PAK3: variants seen among roughly 807,000 people sequenced by gnomAD.
PAK3 encodes the protein p21 (RAC1) activated kinase 3.
PAK3 carries 4 observed loss-of-function variants against 41.0 expected under a neutral mutation model. That is an observed-to-expected ratio of 0.10 (90% CI 0.05 to 0.22). The LOEUF (loss-of-function observed/expected upper bound fraction) is 0.22. PAK3 is among the 10% of genes least tolerant of loss of function. The probability of loss-of-function intolerance (pLI) is 1.00; values close to 1 mark genes in which losing one functional copy is unlikely to be tolerated. For missense variants in PAK3, 205 were observed against 409.9 expected, an observed-to-expected ratio of 0.50 and a Z score of 4.32; for synonymous variants, 146 against 139.6, an observed-to-expected ratio of 1.05 and a Z score of -0.32.
At chrX:110,953,136 T>A (rs2090779969) in intron 1 of PAK3, among the ~76,000 whole-genome samples, 1 of 112,116 alleles carries the variant, frequency 8.9e-6, no homozygotes, top group Non-Finnish European at 1.9e-5. Flanking sequence ...AAGGTAACAT[T>A]GTTTTTTTAA....
chrX:110,958,009 T>C (rs2090902361), intron 1 of PAK3, among the ~76,000 whole-genome samples: 1 of 111,699 alleles, frequency 9.0e-6, no homozygotes, highest in Non-Finnish European at 1.9e-5. Flanking sequence ...GGAGAGACAA[T>C]AGCAGGGGAG....
chrX:111,134,900 T>G (rs995498296), intron 5 of PAK3, among the ~76,000 whole-genome samples: 1 of 110,475 alleles, frequency 9.1e-6, no homozygotes, highest in African/African-American at 3.3e-5. Context: ...GCTCTGAGAG[T>G]GGGAGAGGGG....
intron 11 of PAK3, among the ~76,000 whole-genome samples, chrX:111,187,953 A>G (rs1274019907): frequency 9.1e-5 from 1 of 10,938 alleles, no homozygotes; most frequent in Non-Finnish European, 1.5e-4. Flanking sequence ...GGAAATGCAT[A>G]TATATATATA....
intron 1 of PAK3, among the ~76,000 whole-genome samples, chrX:110,955,488 G>C (rs2090836745): frequency 9.0e-6 from 1 of 111,271 alleles, no homozygotes; most frequent in Admixed American, 9.5e-5. Flanking sequence ...CCAAAGATGA[G>C]CCAGGCATGG....
intron 1 of PAK3, among the ~76,000 whole-genome samples, chrX:110,971,068 C>A (rs1312645766): frequency 8.9e-6 from 1 of 112,166 alleles, no homozygotes. Flanking sequence ...TTAGGTTTAG[C>A]TTTAGTTTTT....
intron 1 of PAK3, among the ~76,000 whole-genome samples, chrX:111,078,867 A>C (rs971825153): frequency 1.7e-4 from 19 of 112,103 alleles, no homozygotes; most frequent in Non-Finnish European, 3.4e-4. Flanking sequence ...GAGAAAACAA[A>C]ACAGACTTAT....
chrX:111,163,781 A>G (rs1447016016), intron 10 of PAK3, 54 bp downstream of exon 10: 3 of 955,026 alleles, frequency 3.1e-6, no homozygotes, highest in Non-Finnish European at 4.5e-6. Flanking sequence ...CTCATAAGCC[A>G]TTTAAAATGG....
At chrX:111,132,366 G>T (rs1024393206) in intron 5 of PAK3, among the ~76,000 whole-genome samples, 2 of 111,345 alleles carry the variant, frequency 1.8e-5, no homozygotes, top group Non-Finnish European at 3.8e-5. Context: ...CACTGTTTCT[G>T]CCAGAAGTGG....
intron 1 of PAK3, among the ~76,000 whole-genome samples, chrX:110,999,320 C>G (rs2091803861): frequency 8.9e-6 from 1 of 111,854 alleles, no homozygotes; most frequent in African/African-American, 3.2e-5. Flanking sequence ...TGGCACCCGG[C>G]TCATCTCAGT....
At chrX:111,146,580 CA>C in intron 6 of PAK3, 1 of 1,059,494 alleles carries the variant, frequency 9.4e-7, no homozygotes, top group Non-Finnish European at 1.3e-6. Flanking sequence ...GTCACAGGCC[CA>C]AAAGAAGCTT....
In PAK3 at chrX:111,086,105, G is replaced by A. The variant is rs752828823; in HGVS notation, c.-27-36972G>A. Among the ~76,000 whole-genome samples the A allele has an allele frequency of 2.6e-3, 273 of 103,570 alleles. 2 individuals are homozygous for A. The highest frequency in any genetic ancestry group is 9.3e-3 in the African/African-American group (261 of 27,985). The allele number at this position is 103,570 out of a possible 115,157, so 89.9% of individuals were successfully genotyped here. A position where few individuals can be genotyped will look rare whatever the true frequency, so the allele number is the denominator to read the frequency against. On this transcript the variant is annotated intron_variant, in intron 1 of 14. Transcript: ENST00000425146. ...TGTGTGTGTGTGCATGTGCACATGT[G>A]TGCACTGGGCAGGGGGGCGGTGGGG...
chrX:110,949,530 T>C (rs1274876336), intron 1 of PAK3, among the ~76,000 whole-genome samples: 1 of 111,343 alleles, frequency 9.0e-6, no homozygotes, highest in Non-Finnish European at 1.9e-5. Flanking sequence ...TTCAAAGCAT[T>C]GTAGGTCGAG....
chrX:111,142,705 G>T (rs931905390), intron 6 of PAK3, among the ~76,000 whole-genome samples: 7 of 111,217 alleles, frequency 6.3e-5, no homozygotes, highest in African/African-American at 2.3e-4. Context: ...GGTATATTTT[G>T]TAGATTTTCA....
rs748702597 is a variant in PAK3 at position 111,164,128 on chromosome X, T to A, written c.766+401T>A. ...AATCAAAACTTGGAACAACAAATAA[T>A]ATAGCTTTTTCCCTTAATTCAGAAG... On this transcript the variant is annotated intron_variant, in intron 10 of 17. Transcript: ENST00000372007. Among the ~76,000 whole-genome samples the A allele has an allele frequency of 4.5e-5, 5 of 111,096 alleles. No individual in the cohort carries two copies. In the East Asian group the frequency reaches 1.1e-3, roughly 25 times the overall value.
chrX:111,118,291 T>C (rs951780145), intron 4 of PAK3, among the ~76,000 whole-genome samples: 1 of 111,286 alleles, frequency 9.0e-6, no homozygotes, highest in Non-Finnish European at 1.9e-5. Context: ...AGTATCAGCA[T>C]AGGCTAGTTA....
chrX:111,216,290 TGTGTCATTCTCTAAA>T (rs1184945018), intron 16 of PAK3, 116 bp from the exon 17 acceptor site: 1 of 506,762 alleles, frequency 2.0e-6, no homozygotes, highest in Non-Finnish European at 3.5e-6. Flanking sequence ...TTGAAATATA[TGTGTCATTCTCTAAA>T]GTGGAATTAT....
At chrX:111,165,992 G>A (rs1181219905) in intron 10 of PAK3, among the ~76,000 whole-genome samples, 1 of 110,350 alleles carries the variant, frequency 9.1e-6, no homozygotes, top group African/African-American at 3.3e-5. Context: ...TTCTCTACTG[G>A]ACTTCATGCT....
chrX:111,074,512 T>C (rs2092769474), intron 1 of PAK3, among the ~76,000 whole-genome samples: 1 of 111,925 alleles, frequency 8.9e-6, no homozygotes, highest in African/African-American at 3.2e-5. Context: ...GAGCAGATGT[T>C]GGTGCCATGC....
intron 1 of PAK3, among the ~76,000 whole-genome samples, chrX:111,045,801 G>A (rs773479023): frequency 1.8e-5 from 2 of 111,381 alleles, no homozygotes; most frequent in East Asian, 2.8e-4. Flanking sequence ...CACACCTGCC[G>A]TTTCCATGGA....
Sources: gnomAD v4.1 joint callset for allele counts (sites outside exome capture counted in the v4.1 genomes callset) on GRCh38, gnomAD v4.1.1 for gene constraint, MANE v1.5 for transcripts, NCBI Gene and HGNC (gene_info 2026-07-23, HGNC 2026-07-21) for gene names.